Variants in NRF1 observed in about 807,000 individuals in gnomAD.
The protein encoded by NRF1 is nuclear respiratory factor 1, also known as alpha palindromic-binding protein.
Under a neutral mutation model 58.5 loss-of-function variants are expected in NRF1, and 5 were observed. The ratio of observed to expected loss-of-function variants is 0.09; its 90% CI spans 0.04 to 0.18. The LOEUF is 0.18. Ranked by LOEUF, NRF1 falls within the 10% of genes least tolerant of loss-of-function variation. NRF1 has a pLI of 1.00. For synonymous variants in NRF1, 224 were observed against 246.7 expected (o/e 0.91, Z 0.86); for missense variants, 288 against 657.7 (o/e 0.44, Z 6.15).
At chr7:129,623,759 T>C (rs1316161399) in intron 1 of NRF1, among the ~76,000 whole-genome samples, 1 of 152,216 alleles carries the variant, frequency 6.6e-6, no homozygotes, top group Admixed American at 6.5e-5. Context: ...CTCTTAAGTA[T>C]AGTAAAGCCT....
intron 10 of NRF1, among the ~76,000 whole-genome samples, chr7:129,750,702 TG>T (rs1439430562): frequency 6.6e-6 from 1 of 152,222 alleles, no homozygotes; most frequent in Non-Finnish European, 1.5e-5. Flanking sequence ...CTCACCCAGG[TG>T]TGGCCAAATA....
chr7:129,673,682 A>C (rs1446565358), intron 3 of NRF1, among the ~76,000 whole-genome samples: 1 of 121,160 alleles, frequency 8.3e-6, no homozygotes. Context: ...GCGCCACAGC[A>C]CTCCCGCCTG....
intron 1 of NRF1, among the ~76,000 whole-genome samples, chr7:129,625,678 T>TA (rs1293457693): frequency 8.8e-6 from 1 of 113,680 alleles, no homozygotes; most frequent in Non-Finnish European, 2.0e-5. Context: ...TGTTTTAATT[T>TA]TTTTTTTTTT....
At chr7:129,750,073 G>C (rs7801252) in intron 10 of NRF1, among the ~76,000 whole-genome samples, 13,728 of 152,092 alleles carry the variant, frequency 0.09, 627 homozygotes, top group South Asian at 0.1. Flanking sequence ...GCGGGGGTGA[G>C]AGGGCTCAGA....
At chr7:129,679,578 C>T (rs1342557141) in intron 4 of NRF1, among the ~76,000 whole-genome samples, 1 of 146,658 alleles carries the variant, frequency 6.8e-6, no homozygotes, top group East Asian at 2.1e-4. Flanking sequence ...AAAAACTTAG[C>T]CGGGCCTGGT....
At chr7:129,671,227 A>G (rs1409777741) in intron 2 of NRF1, among the ~76,000 whole-genome samples, 1 of 152,218 alleles carries the variant, frequency 6.6e-6, no homozygotes, top group African/African-American at 2.4e-5. Flanking sequence ...TTTTTAAAAG[A>G]TTCATTGTAT....
chr7:129,621,920 T>A (rs1275846665), intron 1 of NRF1, among the ~76,000 whole-genome samples: 2 of 151,868 alleles, frequency 1.3e-5, no homozygotes, highest in South Asian at 2.1e-4. Flanking sequence ...GTAGCTGGGA[T>A]TACAGGCACC....
At chr7:129,679,943 A>G (rs959843511) in intron 4 of NRF1, among the ~76,000 whole-genome samples, 1 of 151,608 alleles carries the variant, frequency 6.6e-6, no homozygotes, top group Non-Finnish European at 1.5e-5. Context: ...CTGTAATCCC[A>G]GCTACTCTGG....
intron 4 of NRF1, among the ~76,000 whole-genome samples, chr7:129,680,766 G>C (rs965571153): frequency 6.6e-6 from 1 of 152,236 alleles, no homozygotes; most frequent in East Asian, 1.9e-4. Context: ...TATAGAGAGA[G>C]AGTGGATTAG....
intron 10 of NRF1, among the ~76,000 whole-genome samples, chr7:129,735,727 C>T (rs1463644611): frequency 6.7e-6 from 1 of 149,044 alleles, no homozygotes; most frequent in Non-Finnish European, 1.5e-5. Context: ...ACTATAAGAC[C>T]ACCGGGCGCG....
At chr7:129,613,529 G>T (rs11984014) in intron 1 of NRF1, among the ~76,000 whole-genome samples, 68,606 of 150,582 alleles carry the variant, frequency 0.46, 18,738 homozygotes, top group Non-Finnish European at 0.62. Flanking sequence ...GTGTCAAGGG[G>T]TTTTTTTTTC....
chr7:129,731,271 GAAAA>G (rs10708899), intron 10 of NRF1, among the ~76,000 whole-genome samples: 1 of 122,894 alleles, frequency 8.1e-6, no homozygotes, highest in Non-Finnish European at 1.7e-5. Flanking sequence ...ACTCCGTCTT[GAAAA>G]AAAAAAAAAA....
chr7:129,646,165 T>C (rs988143062), intron 1 of NRF1, among the ~76,000 whole-genome samples: 8 of 152,190 alleles, frequency 5.3e-5, no homozygotes, highest in Non-Finnish European at 1.2e-4. Context: ...TTATACTCTA[T>C]AGCTTAGCAT....
chr7:129,735,122 C>T, intron 10 of NRF1: 1 of 985,480 alleles, frequency 1.0e-6, no homozygotes, highest in Non-Finnish European at 1.2e-6. Context: ...GCACATCTGT[C>T]TCCGCTGGTC....
At chr7:129,730,968 C>T (rs1034473802) in intron 10 of NRF1, among the ~76,000 whole-genome samples, 134 of 150,324 alleles carry the variant, frequency 8.9e-4, no homozygotes, top group African/African-American at 3.2e-3. Flanking sequence ...GAGATCAAGA[C>T]CCTGTCTCAA....
chr7:129,664,238 T>C (rs1207433706), intron 2 of NRF1, among the ~76,000 whole-genome samples: 2 of 152,208 alleles, frequency 1.3e-5, no homozygotes, highest in East Asian at 3.9e-4. Flanking sequence ...GACTTAAAGC[T>C]GGGCTACATT....
At chr7:129,738,572 C>T (rs565467836) in intron 10 of NRF1, among the ~76,000 whole-genome samples, 12 of 152,288 alleles carry the variant, frequency 7.9e-5, no homozygotes, top group Admixed American at 3.9e-4. Flanking sequence ...GTAATTTTGC[C>T]TTTTGGCTAT....
rs770545222 is a variant in NRF1, at chr7:129,727,357, A to G, written c.1340A>G (p.Asp447Gly). ...AAVGALTGVQ[D>G]ANGLVQIPVS... ...GTCGGAGCACTTACTGGAGTCCAAG[A>G]TGCTAATGGTAAGAGAGCATAAATA... Residue 447 changes from aspartate to glycine, a missense_variant, in exon 10 of 11, where the codon GAT (aspartate) becomes GGT (glycine). This residue lies in a region of NRF1 where 212 missense variants were observed against 559.7 expected (regional missense o/e 0.38). Coordinates refer to ENST00000393232, the MANE Select transcript of NRF1 (RefSeq NM_005011.5). 1.9e-6 allele frequency: 3 copies of G among 1,600,924 alleles called. No homozygotes were observed.
intron 5 of NRF1, among the ~76,000 whole-genome samples, chr7:129,696,542 C>T (rs1470489585): frequency 4.6e-5 from 7 of 152,180 alleles, no homozygotes; most frequent in Admixed American, 3.9e-4. Flanking sequence ...GTACATTTTA[C>T]TGGACATTAA....
Sources: gnomAD v4.1 joint callset for allele counts (sites outside exome capture counted in the v4.1 genomes callset) on GRCh38, gnomAD v4.1.1 for gene constraint, gnomAD v4.1.1 regional missense constraint, MANE v1.5 for transcripts, NCBI Gene and HGNC (gene_info 2026-07-23, HGNC 2026-07-21) for gene names.